TAB2: variants seen among roughly 807,000 people sequenced by gnomAD.
The protein encoded by TAB2 is TGF-beta-activated kinase 1 and MAP3K7-binding protein 2.
In TAB2, 3 loss-of-function variants were observed where a neutral mutation model predicts 65.0. The observed-to-expected ratio is 0.05, with a 90% CI of 0.02 to 0.12. TAB2 has a LOEUF of 0.12. Among genes scored for constraint, TAB2 ranks in the 10% least tolerant of loss-of-function variants. TAB2 has a pLI of 1.00. For synonymous variants in TAB2, 298 were observed against 285.1 expected (o/e 1.05, Z -0.46); for missense variants, 623 against 840.3 (o/e 0.74, Z 3.20).
intron 1 of TAB2, among the ~76,000 whole-genome samples, chr6:149,312,272 T>C (rs552934768): frequency 1.8e-4 from 28 of 152,350 alleles, no homozygotes; most frequent in African/African-American, 6.7e-4. Context: ...TCATTTATGT[T>C]AGAGAAATAA....
chr6:149,392,581 A>C (rs1461122909), intron 3 of TAB2, among the ~76,000 whole-genome samples: 1 of 152,108 alleles, frequency 6.6e-6, no homozygotes, highest in Non-Finnish European at 1.5e-5. Context: ...AGGGCAGATG[A>C]GTTGCCATTT....
chr6:149,391,000 G>T (rs1472547332), intron 3 of TAB2, among the ~76,000 whole-genome samples: 1 of 151,984 alleles, frequency 6.6e-6, no homozygotes, highest in Non-Finnish European at 1.5e-5. Flanking sequence ...GCCATTCTTG[G>T]ATCTTATATT....
At chr6:149,254,020 A>AAGAAAG (rs1777936618) in intron 1 of TAB2, among the ~76,000 whole-genome samples, 2 of 149,546 alleles carry the variant, frequency 1.3e-5, no homozygotes, top group South Asian at 4.3e-4. Flanking sequence ...GAAAGAAAGA[A>AAGAAAG]AGAAAAGAAA....
intron 1 of TAB2, among the ~76,000 whole-genome samples, chr6:149,242,821 A>G (rs1233538924): frequency 6.6e-6 from 1 of 152,192 alleles, no homozygotes; most frequent in South Asian, 2.1e-4. Context: ...AATCCCCATG[A>G]TGCCCAGCCC....
chr6:149,343,791 A>G (rs191562708), intron 1 of TAB2, among the ~76,000 whole-genome samples: 58 of 152,298 alleles, frequency 3.8e-4, no homozygotes, highest in Non-Finnish European at 2.5e-4. Context: ...GCTTTTAAGG[A>G]TATTTATTCC....
At chr6:149,361,963 T>A (rs1780867464) in intron 1 of TAB2, among the ~76,000 whole-genome samples, 1 of 152,338 alleles carries the variant, frequency 6.6e-6, no homozygotes, top group South Asian at 2.1e-4. Context: ...GTTCTTGATT[T>A]CCATCTTAGT....
intron 1 of TAB2, among the ~76,000 whole-genome samples, chr6:149,343,226 A>C (rs1233044320): frequency 6.6e-6 from 1 of 152,204 alleles, no homozygotes; most frequent in Admixed American, 6.5e-5. Context: ...CCTCTTCCTG[A>C]GATCCTCAAC....
chr6:149,219,306 TTG>T (rs3064238), intron 1 of TAB2, among the ~76,000 whole-genome samples: 2,734 of 145,892 alleles, frequency 0.019, 34 homozygotes, highest in South Asian at 0.036. Context: ...ATTTTAACAT[TTG>T]TGTGTGTGTG....
intron 1 of TAB2, among the ~76,000 whole-genome samples, chr6:149,357,683 T>A (rs2114823815): frequency 6.6e-6 from 1 of 152,092 alleles, no homozygotes; most frequent in Admixed American, 6.5e-5. Flanking sequence ...GTAATAAACA[T>A]CTTTTCTTAT....
chr6:149,287,440 C>T lies in TAB2; in HGVS notation c.-121+68664C>T, dbSNP rs141998975. Among the ~76,000 whole-genome samples, 100 of 149,866 alleles carry T rather than the reference C, an allele frequency of 6.7e-4. No individual in the cohort carries two copies. In the East Asian group the frequency reaches 0.017, roughly 26 times the overall value. ...GTAGAAATAATAAGCTTCCCCTACA[C>T]ATAAAGTTACAAGGGAATATAACAA... is the stretch of plus-strand genomic sequence containing the variant. On this transcript the variant is annotated intron_variant, in intron 1 of 1. Coordinates refer to the TAB2 transcript ENST00000606202.
At chr6:149,402,366 A>G (rs558531067) in intron 6 of TAB2, among the ~76,000 whole-genome samples, 1 of 152,312 alleles carries the variant, frequency 6.6e-6, no homozygotes, top group South Asian at 2.1e-4. Context: ...AAAAATTGAT[A>G]TCACCTATTA....
chr6:149,328,630 A>G (rs1211399545), intron 1 of TAB2, among the ~76,000 whole-genome samples: 14 of 152,080 alleles, frequency 9.2e-5, no homozygotes, highest in East Asian at 1.9e-4. Context: ...TACTTATCCA[A>G]TAGTTTTGAG....
intron 3 of TAB2, among the ~76,000 whole-genome samples, chr6:149,390,932 A>G (rs1781963027): frequency 1.3e-5 from 2 of 152,148 alleles, no homozygotes; most frequent in Admixed American, 1.3e-4. Context: ...CAGCATCTCC[A>G]AGATACCATC....
At chr6:149,238,724 C>T (rs1407596992) in intron 1 of TAB2, among the ~76,000 whole-genome samples, 2 of 152,180 alleles carry the variant, frequency 1.3e-5, no homozygotes, top group South Asian at 2.1e-4. Context: ...CTGCACATCC[C>T]GGAAGCTGTC....
intron 6 of TAB2, among the ~76,000 whole-genome samples, chr6:149,404,998 T>C (rs1226461870): frequency 3.9e-5 from 6 of 152,166 alleles, no homozygotes; most frequent in Non-Finnish European, 8.8e-5. Flanking sequence ...GGAGAAAATA[T>C]TCACAAACTA....
At chr6:149,389,139 A>G (rs888714023) in intron 3 of TAB2, among the ~76,000 whole-genome samples, 1 of 151,760 alleles carries the variant, frequency 6.6e-6, no homozygotes, top group Non-Finnish European at 1.5e-5. Context: ...TATTTTTAGT[A>G]GAGATGGGGT....
chr6:149,379,294 C>T lies in TAB2; in HGVS notation c.1379C>T (p.Thr460Met). 7.4e-6 allele frequency: 12 copies of T among 1,614,190 alleles called. No individual in the cohort carries two copies. Among genetic ancestry groups the T allele is most frequent in the Non-Finnish European group, 1.0e-5 (12 of 1,180,034 alleles). Residue 460 changes from threonine to methionine, a missense_variant, in exon 3 of 7, where the codon ACG (threonine) becomes ATG (methionine). Thr to Met is a moderately conservative substitution (Grantham distance 81, BLOSUM62 -1). Transcript: ENST00000637181. Reference sequence around the variant, plus strand: ...CGAGTGGTAGTCACTCAGCCCAATACGAAATACACTTTCAAAATTACAGTC... The same window carrying T: ...CGAGTGGTAGTCACTCAGCCCAATATGAAATACACTTTCAAAATTACAGTC... ...SPRVVVTQPN[T>M]KYTFKITVSP...
intron 1 of TAB2, among the ~76,000 whole-genome samples, chr6:149,355,867 T>A (rs1318667661): frequency 6.6e-6 from 1 of 152,108 alleles, no homozygotes; most frequent in Non-Finnish European, 1.5e-5. Flanking sequence ...CTGCTGCTGC[T>A]ACCCAAAGAT....
At chr6:149,376,829 T>G (rs1281117340) in intron 2 of TAB2, among the ~76,000 whole-genome samples, 1 of 152,162 alleles carries the variant, frequency 6.6e-6, no homozygotes, top group Non-Finnish European at 1.5e-5. Context: ...TCGTGGATGA[T>G]TTATGACTAC....
Sources: gnomAD v4.1 joint callset for allele counts (sites outside exome capture counted in the v4.1 genomes callset) on GRCh38, gnomAD v4.1.1 for gene constraint, MANE v1.5 for transcripts, NCBI Gene and HGNC (gene_info 2026-07-23, HGNC 2026-07-21) for gene names.